The following EDIL3 variants were observed in gnomAD, a reference collection of about 807,000 sequenced individuals.
EDIL3 encodes EGF like and discoidin domains 3.
In EDIL3, 37 loss-of-function variants were observed where a neutral mutation model predicts 67.4. The observed-to-expected ratio is 0.55, with a 90% CI of 0.42 to 0.72. The LOEUF (loss-of-function observed/expected upper bound fraction) is 0.72. Ranked by LOEUF, EDIL3 falls within the 30% of genes least tolerant of loss-of-function variation. EDIL3 has a pLI of 0.00. For missense variants in EDIL3, 527 were observed against 586.3 expected, an observed-to-expected ratio of 0.90 and a Z score of 1.04; for synonymous variants, 195 against 196.3, an observed-to-expected ratio of 0.99 and a Z score of 0.05.
intron 3 of EDIL3, among the ~76,000 whole-genome samples, chr5:84,220,195 G>T (rs1301930214): frequency 5.9e-5 from 9 of 152,138 alleles, no homozygotes; most frequent in Non-Finnish European, 1.2e-4. Context: ...CACATTGTAT[G>T]CCTGAATGAA....
At chr5:83,993,961 C>G (rs1745193521) in intron 9 of EDIL3, among the ~76,000 whole-genome samples, 1 of 152,128 alleles carries the variant, frequency 6.6e-6, no homozygotes. Flanking sequence ...ATATTACACC[C>G]ACCTTCTTAT....
intron 1 of EDIL3, among the ~76,000 whole-genome samples, chr5:84,362,471 C>T (rs1747629670): frequency 6.6e-6 from 1 of 152,164 alleles, no homozygotes. Flanking sequence ...TGATGGTTTA[C>T]ATTCCTAATA....
rs67762520 is a variant in EDIL3 at position 84,037,988 on chromosome 5, G to GTTTTTTTTTTTTTT, written c.1137+22298_1137+22311dup. On this transcript the variant is annotated intron_variant, in intron 9 of 10. Coordinates refer to ENST00000296591, the MANE Select transcript of EDIL3 (RefSeq NM_005711.5). Reference sequence around the variant, plus strand: ...TTCTCTTTTCTTTTCTTTCTTTCTTGTTTTTTTTTTTTTTTTTTTTTTTGA... The same window carrying GTTTTTTTTTTTTTT: ...TTCTCTTTTCTTTTCTTTCTTTCTTGTTTTTTTTTTTTTTTTTTTTTTTTTTTTTTTTTTTTTGA... 8.0e-5 allele frequency among the ~76,000 whole-genome samples: 8 copies of GTTTTTTTTTTTTTT among 99,748 alleles called. 1 individual carries two copies. The highest frequency in any genetic ancestry group is 3.2e-4 in the African/African-American group (7 of 22,184). The allele number at this position is 99,748 out of a possible 152,430, so 65.4% of individuals were successfully genotyped here.
chr5:84,157,190 G>T (rs529680698), intron 4 of EDIL3, among the ~76,000 whole-genome samples: 1 of 152,048 alleles, frequency 6.6e-6, no homozygotes, highest in Admixed American at 6.5e-5. Context: ...TCTTTAAAAA[G>T]AAGTGGGATC....
chr5:84,106,718 T>C lies in EDIL3; in HGVS notation c.582A>G (p.Ala194=). 1.2e-6 allele frequency: 2 copies of C among 1,613,050 alleles called. No individual in the cohort carries two copies. Among genetic ancestry groups the C allele is most frequent in the Non-Finnish European group, 1.7e-6 (2 of 1,179,410 alleles). ...FGLQKWYPYY[A]RLNKKGLINA... ...TTATAAGCCCCTTCTTATTAAGACG[T>C]GCATAGTAGGGATACCATTTTTGGA... is the stretch of plus-strand genomic sequence containing the variant. The change falls in exon 6 of 11, where the codon GCA becomes GCG. Residue 194 remains alanine, a synonymous_variant. Coordinates refer to ENST00000296591, the MANE Select transcript of EDIL3 (RefSeq NM_005711.5).
chr5:83,955,952 A>G (rs1580251217), intron 10 of EDIL3, among the ~76,000 whole-genome samples: 1 of 151,834 alleles, frequency 6.6e-6, no homozygotes, highest in East Asian at 1.9e-4. Context: ...CCTCAAAATT[A>G]ATCCTTAAAG....
chr5:84,132,102 G>A (rs1747976914), intron 5 of EDIL3, among the ~76,000 whole-genome samples: 1 of 150,228 alleles, frequency 6.7e-6, no homozygotes, highest in Non-Finnish European at 1.5e-5. Flanking sequence ...TGGCGTGGTG[G>A]CAGGCACCTG....
At chr5:84,383,281 G>C (rs535645841) in intron 1 of EDIL3, among the ~76,000 whole-genome samples, 1 of 152,124 alleles carries the variant, frequency 6.6e-6, no homozygotes, top group South Asian at 2.1e-4. Flanking sequence ...CACACACCCT[G>C]CTGCCCCCGC....
chr5:83,995,157 T>TACAAAC (rs1745215890), intron 9 of EDIL3, among the ~76,000 whole-genome samples: 1 of 149,052 alleles, frequency 6.7e-6, no homozygotes, highest in African/African-American at 2.5e-5. Flanking sequence ...CACACACACA[T>TACAAAC]ACACACACAC....
chr5:84,062,484 A>G (rs1028617843), intron 8 of EDIL3, among the ~76,000 whole-genome samples: 1 of 152,098 alleles, frequency 6.6e-6, no homozygotes, highest in Non-Finnish European at 1.5e-5. Context: ...TGCTTAGCCA[A>G]AAAATTCACT....
chr5:84,249,680 T>C (rs891900688), intron 2 of EDIL3, among the ~76,000 whole-genome samples: 22 of 152,216 alleles, frequency 1.4e-4, no homozygotes, highest in African/African-American at 5.3e-4. Context: ...GTATTTGAGT[T>C]GTAAAAGTTT....
chr5:84,302,863 A>C (rs2112132281), intron 1 of EDIL3, among the ~76,000 whole-genome samples: 1 of 152,348 alleles, frequency 6.6e-6, no homozygotes, highest in East Asian at 1.9e-4. Context: ...GACTGAGATC[A>C]TCTAGCAGAA....
intron 6 of EDIL3, among the ~76,000 whole-genome samples, chr5:84,067,893 T>A (rs1166322280): frequency 6.6e-6 from 1 of 152,224 alleles, no homozygotes; most frequent in African/African-American, 2.4e-5. Context: ...GGTCCCTTTT[T>A]TCCTTGAACA....
At chr5:84,300,515 A>G (rs1746137074) in intron 1 of EDIL3, among the ~76,000 whole-genome samples, 1 of 152,196 alleles carries the variant, frequency 6.6e-6, no homozygotes, top group East Asian at 1.9e-4. Flanking sequence ...TCATGTTGCA[A>G]TCTTATCTAT....
intron 1 of EDIL3, among the ~76,000 whole-genome samples, chr5:84,258,342 G>T (rs1446507675): frequency 1.3e-5 from 2 of 152,200 alleles, no homozygotes; most frequent in African/African-American, 4.8e-5. Context: ...AAAGACATGA[G>T]GGTGGGGATG....
intron 9 of EDIL3, among the ~76,000 whole-genome samples, chr5:84,035,454 T>C: frequency 6.6e-6 from 1 of 152,144 alleles, no homozygotes; most frequent in East Asian, 1.9e-4. Flanking sequence ...CCCTTAAAAT[T>C]AGATTCATTT....
intron 1 of EDIL3, among the ~76,000 whole-genome samples, chr5:84,370,295 C>A (rs1336505962): frequency 1.3e-5 from 2 of 152,200 alleles, no homozygotes; most frequent in Non-Finnish European, 2.9e-5. Flanking sequence ...CTAAACAGAG[C>A]TGTTTAGAAG....
At chr5:83,963,148 T>G in intron 10 of EDIL3, 57 bp downstream of exon 10, 2 of 1,530,262 alleles carry the variant, frequency 1.3e-6, no homozygotes, top group Non-Finnish European at 1.8e-6. Context: ...TCAATCAAAC[T>G]TGGGTGTAAT....
chr5:84,049,646 A>T (rs1328353423), intron 9 of EDIL3, among the ~76,000 whole-genome samples: 1 of 152,206 alleles, frequency 6.6e-6, no homozygotes, highest in Non-Finnish European at 1.5e-5. Flanking sequence ...CAACATTGGT[A>T]AGAATTTTGA....
Sources: allele counts gnomAD v4.1 joint callset (sites outside exome capture counted in the v4.1 genomes callset), GRCh38; gene constraint gnomAD v4.1.1; transcripts MANE v1.5; gene names NCBI Gene and HGNC (gene_info 2026-07-23, HGNC 2026-07-21).